The following EFCAB6 variants were observed in gnomAD, a reference collection of about 807,000 sequenced individuals.
EFCAB6 encodes EF-hand calcium binding domain 6, also known as EF-hand calcium-binding domain-containing protein 6.
Under a neutral mutation model 169.8 loss-of-function variants are expected in EFCAB6, and 156 were observed. The observed-to-expected ratio is 0.92, with a 90% confidence interval of 0.81 to 1.05. The LOEUF (loss-of-function observed/expected upper bound fraction) is 1.05. Among genes scored for constraint, EFCAB6 ranks in the 50% least tolerant of loss-of-function variants. EFCAB6 has a pLI of 0.00. For synonymous variants in EFCAB6, 698 were observed against 676.4 expected, an observed-to-expected ratio of 1.03 and a Z score of -0.50; for missense variants, 1,800 against 1,829.1, an observed-to-expected ratio of 0.98 and a Z score of 0.29.
At chr22:43,540,861 C>T (rs9626033) in intron 27 of EFCAB6, among the ~76,000 whole-genome samples, 21,158 of 152,114 alleles carry the variant, frequency 0.14, 1,576 homozygotes, top group Middle Eastern at 0.19. Context: ...AAAATGTCTT[C>T]TCACAAGATG....
intron 15 of EFCAB6, among the ~76,000 whole-genome samples, chr22:43,669,318 GC>G (rs1206694347): frequency 1.3e-5 from 2 of 152,162 alleles, no homozygotes; most frequent in Admixed American, 1.3e-4. Flanking sequence ...CAAACCATAT[GC>G]CTATCAAGAG....
rs541535704 is a variant in EFCAB6, at chr22:43,650,326, T to C, written c.1984-15110A>G. On this transcript the variant is annotated intron_variant, in intron 17 of 31. Transcript: ENST00000262726. ...GATAGTGAATAGGTCTCAAGAGATC[T>C]GACGGTTTTAAAAAGAGGCGTTCCC... 3.4e-4 allele frequency among the ~76,000 whole-genome samples: 52 copies of C among 152,328 alleles called. 1 individual carries two copies. The South Asian group carries it at 0.011, about 32-fold the overall frequency.
At chr22:43,685,013 G>A (rs1200855305) in intron 11 of EFCAB6, among the ~76,000 whole-genome samples, 2 of 152,164 alleles carry the variant, frequency 1.3e-5, no homozygotes, top group Non-Finnish European at 2.9e-5. Context: ...AGCCCCTAAT[G>A]CCTAAAATCG....
At chr22:43,575,167 G>A (rs563398785) in intron 26 of EFCAB6, among the ~76,000 whole-genome samples, 1 of 134,412 alleles carries the variant, frequency 7.4e-6, no homozygotes, top group Non-Finnish European at 1.6e-5. Context: ...TCAGTTAATA[G>A]ACTGTTTTTG....
chr22:43,643,846 CAG>C (rs1388894832), intron 17 of EFCAB6, among the ~76,000 whole-genome samples: 2 of 150,596 alleles, frequency 1.3e-5, no homozygotes, highest in Non-Finnish European at 3.0e-5. Context: ...TTTTTTGAGA[CAG>C]AGTCTCGCTC....
At position 43,798,351 on chromosome 22, in the gene EFCAB6, C is replaced by CA. The variant is rs755602448; in HGVS notation, c.-8+10643dup. ...TGGGCAATAGAGCGAGACTCCATCT[C>CA]AAAAAAAAAAAAAGAATTTGCATTG... On this transcript the variant is annotated intron_variant, in intron 2 of 31. Coordinates refer to ENST00000262726, the MANE Select transcript of EFCAB6 (RefSeq NM_022785.4). Among the ~76,000 whole-genome samples the CA allele has an allele frequency of 4.4e-3, 591 of 135,174 alleles. 5 individuals carry two copies. Among genetic ancestry groups the CA allele is most frequent in the Middle Eastern group, 0.026 (7 of 270 alleles). The allele number at this position is 135,174 out of a possible 152,430, so 88.7% of individuals were successfully genotyped here.
intron 13 of EFCAB6, among the ~76,000 whole-genome samples, chr22:43,675,309 A>G (rs2057679494): frequency 7.7e-6 from 1 of 130,546 alleles, no homozygotes; most frequent in Non-Finnish European, 1.6e-5. Context: ...ATTATATATT[A>G]TAGTATATTA....
chr22:43,734,701 T>C (rs1330290794), intron 7 of EFCAB6, among the ~76,000 whole-genome samples: 2 of 152,126 alleles, frequency 1.3e-5, no homozygotes, highest in Non-Finnish European at 2.9e-5. Context: ...AAACATCTAT[T>C]ATGTGTTTTA....
At chr22:43,610,153 A>G (rs1439111199) in intron 21 of EFCAB6, among the ~76,000 whole-genome samples, 1 of 152,232 alleles carries the variant, frequency 6.6e-6, no homozygotes, top group Non-Finnish European at 1.5e-5. Context: ...CTACAGAGAG[A>G]TGTTAGTAAA....
chr22:43,701,140 A>G (rs1470797381), intron 10 of EFCAB6, among the ~76,000 whole-genome samples: 2 of 152,186 alleles, frequency 1.3e-5, no homozygotes, highest in Non-Finnish European at 2.9e-5. Flanking sequence ...TGGTAATACC[A>G]GGTTTTCTGA....
chr22:43,714,428 AG>A (rs1427897077), intron 9 of EFCAB6, among the ~76,000 whole-genome samples: 7 of 152,132 alleles, frequency 4.6e-5, no homozygotes, highest in Non-Finnish European at 8.8e-5. Flanking sequence ...CCTGAAGTAA[AG>A]GAAGAACTGA....
intron 19 of EFCAB6, among the ~76,000 whole-genome samples, chr22:43,631,155 G>A (rs2054911797): frequency 6.6e-6 from 1 of 151,436 alleles, no homozygotes; most frequent in Admixed American, 6.6e-5. Flanking sequence ...CTTCCCTTCT[G>A]GACTTCACCC....
At chr22:43,646,161 AGT>A (rs1166258024) in intron 17 of EFCAB6, among the ~76,000 whole-genome samples, 1 of 152,198 alleles carries the variant, frequency 6.6e-6, no homozygotes, top group East Asian at 1.9e-4. Context: ...TCAAAGGGTA[AGT>A]GGGAAGAAAC....
intron 10 of EFCAB6, among the ~76,000 whole-genome samples, chr22:43,706,232 G>A (rs2058955424): frequency 1.3e-5 from 2 of 152,202 alleles, no homozygotes; most frequent in Non-Finnish European, 2.9e-5. Flanking sequence ...ACCACGTGGG[G>A]CAGTCCTTGG....
At chr22:43,563,590 A>T (rs1210763514) in intron 26 of EFCAB6, among the ~76,000 whole-genome samples, 1 of 151,954 alleles carries the variant, frequency 6.6e-6, no homozygotes, top group African/African-American at 2.4e-5. Flanking sequence ...CCAAAAACAA[A>T]CCAGCCACCT....
At chr22:43,561,866 G>A (rs58973543) in intron 26 of EFCAB6, among the ~76,000 whole-genome samples, 63 of 152,210 alleles carry the variant, frequency 4.1e-4, no homozygotes, top group African/African-American at 1.3e-3. Context: ...CAAATGACAC[G>A]TTCCAATATT....
rs540079792 is a variant in EFCAB6, at chr22:43,662,087, G to A, written c.1983+5017C>T. Among the ~76,000 whole-genome samples the A allele has an allele frequency of 2.8e-3, 431 of 151,688 alleles. 2 individuals are homozygous for A. Among genetic ancestry groups the A allele is most frequent in the Middle Eastern group, 0.028 (8 of 288 alleles). On this transcript the variant is annotated intron_variant, in intron 17 of 31. Coordinates refer to ENST00000262726, the MANE Select transcript of EFCAB6 (RefSeq NM_022785.4). ...GAGATAGAATTGCTTGAACCCAGGA[G>A]GCAGAGGTTGCAGTGAGCCGAGATC...
At chr22:43,589,958 G>A (rs757414268) in intron 24 of EFCAB6, 116 bp downstream of exon 24, 9 of 1,331,754 alleles carry the variant, frequency 6.8e-6, no homozygotes, top group East Asian at 2.3e-5. Flanking sequence ...AGGAAGACAT[G>A]GAGGGTATTT....
chr22:43,584,603 G>C (rs1031535921), intron 24 of EFCAB6, among the ~76,000 whole-genome samples: 35 of 152,118 alleles, frequency 2.3e-4, no homozygotes, highest in African/African-American at 8.2e-4. Context: ...CAAGGGAAAA[G>C]ACTTTCTGAG....
Sources: allele counts gnomAD v4.1 joint callset (sites outside exome capture counted in the v4.1 genomes callset), GRCh38; gene constraint gnomAD v4.1.1; transcripts MANE v1.5; gene names NCBI Gene and HGNC (gene_info 2026-07-23, HGNC 2026-07-21).